The following KCNQ5 variants were observed in gnomAD, a reference collection of about 807,000 sequenced individuals.
The protein encoded by KCNQ5 is potassium voltage-gated channel subfamily KQT member 5.
A neutral mutation model predicts 98.2 loss-of-function variants in KCNQ5; 30 were observed. The observed-to-expected ratio is 0.31, with a 90% CI of 0.23 to 0.41. The LOEUF is 0.41. Ranked by LOEUF, KCNQ5 falls within the 10% of genes least tolerant of loss-of-function variation. KCNQ5 has a pLI of 1.00. For synonymous variants in KCNQ5, 458 were observed against 449.4 expected (o/e 1.02, Z -0.24); for missense variants, 835 against 1,182.5 (o/e 0.71, Z 4.31).
chr6:72,937,089 T>C (rs1765969284), intron 1 of KCNQ5, among the ~76,000 whole-genome samples: 1 of 152,214 alleles, frequency 6.6e-6, no homozygotes, highest in South Asian at 2.1e-4. Flanking sequence ...ATTACACATA[T>C]GAGCTGAGGA....
At position 73,063,607 on chromosome 6, in the gene KCNQ5, A is replaced by T. The variant is rs549159685; in HGVS notation, c.617-13715A>T. 4.6e-5 allele frequency among the ~76,000 whole-genome samples: 7 copies of T among 152,174 alleles called. No individual in the cohort carries two copies. In the East Asian group the frequency reaches 1.4e-3, roughly 29 times the overall value. On this transcript the variant is annotated intron_variant, in intron 3 of 13. Coordinates refer to ENST00000370398, the MANE Select transcript of KCNQ5 (RefSeq NM_019842.4). ...AAAGATGGGAGTTAGATGCATAATT[A>T]TATGTGACCTGTTTGGTTAATAATC...
chr6:73,192,664 C>G lies in KCNQ5; in HGVS notation c.1809C>G (p.Leu603=), dbSNP rs373501944. 6.2e-7 allele frequency: 1 copy of G among 1,603,868 alleles called. No homozygotes were observed. Among genetic ancestry groups the G allele is most frequent in the Non-Finnish European group, 8.5e-7 (1 of 1,175,074 alleles). Residue 603 remains leucine (L), a synonymous_variant, in exon 13 of 14, where the codon CTC becomes CTG. Transcript: ENST00000370398. ...EHETTDDLSM[L]GRVVKVEKQV... ...AGACCACAGACGATCTCAGTATGCTCGGTCGGGTGGTCAAGGTTGAAAAAC... is the reference window on the plus strand; with the variant it reads ...AGACCACAGACGATCTCAGTATGCTGGGTCGGGTGGTCAAGGTTGAAAAAC...
intron 2 of KCNQ5, among the ~76,000 whole-genome samples, chr6:73,036,193 T>G (rs1211772259): frequency 6.6e-6 from 1 of 151,926 alleles, no homozygotes; most frequent in Non-Finnish European, 1.5e-5. Context: ...AAGACCATCC[T>G]GGCTAACACG....
At chr6:73,083,716 C>T (rs1773870485) in intron 5 of KCNQ5, among the ~76,000 whole-genome samples, 1 of 152,142 alleles carries the variant, frequency 6.6e-6, no homozygotes, top group Admixed American at 6.5e-5. Flanking sequence ...ATAAAAGTTT[C>T]AATTAAGAAG....
At chr6:73,192,730 T>A in intron 13 of KCNQ5, 39 bp downstream of exon 13, 6 of 1,500,208 alleles carry the variant, frequency 4.0e-6, no homozygotes, top group Non-Finnish European at 4.5e-6. Context: ...TTAGCCAGAA[T>A]TTTTTTAATC....
At chr6:72,668,921 A>AAAGAAGG (rs2154473248) in intron 1 of KCNQ5, among the ~76,000 whole-genome samples, 1 of 151,840 alleles carries the variant, frequency 6.6e-6, no homozygotes, top group East Asian at 2.0e-4. Context: ...AACCTTAATT[A>AAAGAAGG]CCTTCATACA....
At chr6:73,183,891 C>A (rs983353676) in intron 11 of KCNQ5, among the ~76,000 whole-genome samples, 5 of 152,076 alleles carry the variant, frequency 3.3e-5, no homozygotes, top group Admixed American at 6.6e-5. Context: ...CTGCTTAGAG[C>A]AAGACAGGCA....
At chr6:72,951,069 A>C (rs1390080817) in intron 1 of KCNQ5, among the ~76,000 whole-genome samples, 1 of 152,150 alleles carries the variant, frequency 6.6e-6, no homozygotes, top group Non-Finnish European at 1.5e-5. Context: ...GATCCCAAAA[A>C]AATCAATGTT....
intron 11 of KCNQ5, among the ~76,000 whole-genome samples, chr6:73,189,898 G>T (rs1246526123): frequency 6.6e-6 from 1 of 152,020 alleles, no homozygotes; most frequent in African/African-American, 2.4e-5. Context: ...AGGACCCAGT[G>T]GCTCATGCCT....
At chr6:72,960,102 C>G (rs1467499087) in intron 1 of KCNQ5, among the ~76,000 whole-genome samples, 1 of 152,136 alleles carries the variant, frequency 6.6e-6, no homozygotes, top group Admixed American at 6.5e-5. Context: ...CACACCCTTA[C>G]TGACATTATT....
At chr6:72,945,878 T>C (rs1419642512) in intron 1 of KCNQ5, among the ~76,000 whole-genome samples, 2 of 152,182 alleles carry the variant, frequency 1.3e-5, no homozygotes. Context: ...AGTACATATA[T>C]TGACCGCTCA....
At chr6:72,784,213 ATG>A (rs1204082424) in intron 1 of KCNQ5, among the ~76,000 whole-genome samples, 1 of 152,150 alleles carries the variant, frequency 6.6e-6, no homozygotes, top group African/African-American at 2.4e-5. Context: ...AAGGAGCTGC[ATG>A]TGTTACTGAC....
At chr6:72,963,253 A>G (rs1435695859) in intron 1 of KCNQ5, among the ~76,000 whole-genome samples, 1 of 152,234 alleles carries the variant, frequency 6.6e-6, no homozygotes, top group Non-Finnish European at 1.5e-5. Flanking sequence ...GTAGAACATT[A>G]TCCAATGGAG....
chr6:73,064,467 A>T (rs1772961244), intron 3 of KCNQ5, among the ~76,000 whole-genome samples: 1 of 152,118 alleles, frequency 6.6e-6, no homozygotes, highest in South Asian at 2.1e-4. Context: ...TCATCATAGG[A>T]TGTTGGGATT....
At chr6:73,089,865 C>G (rs1774161361) in intron 5 of KCNQ5, among the ~76,000 whole-genome samples, 1 of 152,142 alleles carries the variant, frequency 6.6e-6, no homozygotes, top group South Asian at 2.1e-4. Flanking sequence ...AATTGCGCTG[C>G]TATAAACATG....
intron 1 of KCNQ5, among the ~76,000 whole-genome samples, chr6:72,841,632 T>A (rs566349214): frequency 5.3e-5 from 8 of 152,304 alleles, no homozygotes; most frequent in Admixed American, 4.6e-4. Context: ...TTCCCCATAA[T>A]CTCTTAGCCC....
chr6:72,736,291 A>G (rs1305930980), intron 1 of KCNQ5, among the ~76,000 whole-genome samples: 1 of 152,144 alleles, frequency 6.6e-6, no homozygotes, highest in Non-Finnish European at 1.5e-5. Context: ...TATGTATGAT[A>G]TTAAAAAGTG....
chr6:72,972,244 G>C (rs773009455), intron 1 of KCNQ5, among the ~76,000 whole-genome samples: 1 of 152,094 alleles, frequency 6.6e-6, no homozygotes, highest in African/African-American at 2.4e-5. Context: ...ATCTAATATG[G>C]AAATAGACAG....
chr6:72,856,387 A>T (rs1777530776), intron 1 of KCNQ5, among the ~76,000 whole-genome samples: 1 of 152,002 alleles, frequency 6.6e-6, no homozygotes, highest in Non-Finnish European at 1.5e-5. Context: ...GAATTTAATA[A>T]TAAAATAGGC....
Sources: allele counts gnomAD v4.1 joint callset (sites outside exome capture counted in the v4.1 genomes callset), GRCh38; gene constraint gnomAD v4.1.1; transcripts MANE v1.5; gene names NCBI Gene and HGNC (gene_info 2026-07-23, HGNC 2026-07-21).